The following AKR1C8 variants were observed in gnomAD, a reference collection of about 807,000 sequenced individuals.
The protein encoded by AKR1C8 is aldo-keto reductase family 1 member C8.
the AKR1C8 span, among the ~76,000 whole-genome samples, chr10:5,152,166 G>A: frequency 6.6e-6 from 1 of 152,256 alleles, no homozygotes; most frequent in South Asian, 2.1e-4. Flanking sequence ...CTAGTTTGGG[G>A]ACTTGCAGCC....
chr10:5,178,565 A>G, the AKR1C8 span, among the ~76,000 whole-genome samples: 1 of 152,124 alleles, frequency 6.6e-6, no homozygotes, highest in African/African-American at 2.4e-5. Context: ...GATCTGTCTA[A>G]TGTTGACAGT....
chr10:5,129,453 C>T, the AKR1C8 span, among the ~76,000 whole-genome samples: 155 of 151,800 alleles, frequency 1.0e-3, 1 homozygote, highest in African/African-American at 3.4e-3. Context: ...TGAAACAAAA[C>T]ACCCCCACAA....
the AKR1C8 span, among the ~76,000 whole-genome samples, chr10:5,148,163 T>A: frequency 6.6e-6 from 1 of 152,050 alleles, no homozygotes; most frequent in African/African-American, 2.4e-5. Flanking sequence ...ACAATCTGGC[T>A]GAATGAGAAA....
At chr10:5,123,760 T>C in the AKR1C8 span, 1 of 1,613,406 alleles carries the variant, frequency 6.2e-7, no homozygotes, top group South Asian at 1.1e-5. Flanking sequence ...ACCAGAACAA[T>C]GTCTTTTGAC....
At chr10:5,154,190 A>G in the AKR1C8 span, 1 of 470,460 alleles carries the variant, frequency 2.1e-6, no homozygotes, top group Non-Finnish European at 4.4e-6. Flanking sequence ...GCACTGAAAG[A>G]GAAAAAATAT....
chr10:5,127,920 G>T, the AKR1C8 span, among the ~76,000 whole-genome samples: 1 of 151,938 alleles, frequency 6.6e-6, no homozygotes, highest in African/African-American at 2.4e-5. Flanking sequence ...CCAAATAGAA[G>T]AAGCTCAAAG....
the AKR1C8 span, among the ~76,000 whole-genome samples, chr10:5,183,065 A>G: frequency 6.6e-6 from 1 of 152,224 alleles, no homozygotes; most frequent in East Asian, 1.9e-4. Context: ...CAAACTTGCC[A>G]TACATTTGTT....
chr10:5,139,334 C>T, the AKR1C8 span, among the ~76,000 whole-genome samples: 1 of 152,144 alleles, frequency 6.6e-6, no homozygotes, highest in Non-Finnish European at 1.5e-5. Context: ...AAAGAGCCTG[C>T]ATTGCCAAGA....
At chr10:5,131,468 T>C in the AKR1C8 span, among the ~76,000 whole-genome samples, 1 of 151,936 alleles carries the variant, frequency 6.6e-6, no homozygotes, top group Non-Finnish European at 1.5e-5. Context: ...TCCAAGGAAC[T>C]CAAACAAGTC....
the AKR1C8 span, among the ~76,000 whole-genome samples, chr10:5,180,266 G>T: frequency 1.3e-5 from 2 of 152,170 alleles, no homozygotes; most frequent in Non-Finnish European, 2.9e-5. Flanking sequence ...CTGGGTATCC[G>T]CAGCAGAGAT....
At chr10:5,161,635 A>G in the AKR1C8 span, 3 of 524,166 alleles carry the variant, frequency 5.7e-6, no homozygotes, top group South Asian at 4.3e-5. Context: ...TTGAATCTGA[A>G]TCCCCCTTAA....
the AKR1C8 span, among the ~76,000 whole-genome samples, chr10:5,165,263 GT>G: frequency 5.4e-3 from 820 of 152,006 alleles, 3 homozygotes; most frequent in Non-Finnish European, 9.4e-3. Context: ...AAGCAAATTA[GT>G]TTTTTTTCCA....
the AKR1C8 span, among the ~76,000 whole-genome samples, chr10:5,124,461 C>T: frequency 1.3e-5 from 2 of 151,852 alleles, no homozygotes; most frequent in Admixed American, 1.3e-4. Context: ...CTTTTCTTGA[C>T]TTGGTGAGGG....
the AKR1C8 span, among the ~76,000 whole-genome samples, chr10:5,126,016 T>C: frequency 6.6e-6 from 1 of 152,182 alleles, no homozygotes; most frequent in Non-Finnish European, 1.5e-5. Flanking sequence ...ATAGCAGGAC[T>C]TGAGTTCCAG....
the AKR1C8 span, among the ~76,000 whole-genome samples, chr10:5,184,359 A>C: frequency 6.6e-6 from 1 of 152,184 alleles, no homozygotes; most frequent in Admixed American, 6.5e-5. Context: ...AAGACAAAAA[A>C]CTTCAGATAA....
the AKR1C8 span, among the ~76,000 whole-genome samples, chr10:5,137,265 C>T: frequency 2.2e-3 from 332 of 152,176 alleles, no homozygotes; most frequent in Non-Finnish European, 2.7e-3. Flanking sequence ...CCAGCATCAT[C>T]CTGATACCAA....
the AKR1C8 span, chr10:5,132,739 T>C: frequency 6.6e-7 from 1 of 1,525,492 alleles, no homozygotes; most frequent in African/African-American, 1.4e-5. Flanking sequence ...ATTGCTAATT[T>C]TGTAACCTCC....
chr10:5,169,740 T>C, the AKR1C8 span, among the ~76,000 whole-genome samples: 1 of 152,058 alleles, frequency 6.6e-6, no homozygotes, highest in African/African-American at 2.4e-5. Context: ...GAGTGAAGCA[T>C]TTCTCACGAG....
At chr10:5,172,231 T>C in the AKR1C8 span, among the ~76,000 whole-genome samples, 80,082 of 151,900 alleles carry the variant, frequency 0.53, 22,105 homozygotes, top group Non-Finnish European at 0.6. Flanking sequence ...GCATAAATTC[T>C]CTTTTATAAA....
Sources: gnomAD v4.1 joint callset for allele counts (sites outside exome capture counted in the v4.1 genomes callset) on GRCh38, gnomAD v4.1.1 for gene constraint, MANE v1.5 for transcripts, NCBI Gene and HGNC (gene_info 2026-07-23, HGNC 2026-07-21) for gene names.